EGFR: variants seen among roughly 807,000 people sequenced by gnomAD.
The protein encoded by EGFR is epidermal growth factor receptor.
Under a neutral mutation model 143.0 loss-of-function variants are expected in EGFR, and 58 were observed. The ratio of observed to expected loss-of-function variants is 0.41; its 90% CI spans 0.33 to 0.50. The LOEUF (loss-of-function observed/expected upper bound fraction) is 0.50. Among genes scored for constraint, EGFR ranks in the 20% least tolerant of loss-of-function variants. The pLI is 0.39. For synonymous variants in EGFR, 613 were observed against 594.4 expected (o/e 1.03, Z -0.45); for missense variants, 1,307 against 1,579.0 (o/e 0.83, Z 2.92).
Position 55,205,741 on chromosome 7 carries a change from C to A in EGFR, c.*124C>A. ...CTCTTAGACCCACAGACTGGTTTTG[C>A]AACGTTTACACCGACTAGCCAGGAA... On this transcript the variant is annotated 3_prime_UTR_variant, in exon 28 of 28. Coordinates refer to ENST00000275493, the MANE Select transcript of EGFR (RefSeq NM_005228.5). 6.7e-7 allele frequency: 1 copy of A among 1,483,920 alleles called. No homozygotes were observed. The highest frequency in any genetic ancestry group is 2.3e-5 in the East Asian group (1 of 43,992). 91.9% of individuals were successfully genotyped at this position (1,483,920 alleles called of 1,614,324 possible).
chr7:55,031,913 G>A (rs1161457372), intron 1 of EGFR, among the ~76,000 whole-genome samples: 1 of 152,134 alleles, frequency 6.6e-6, no homozygotes, highest in Non-Finnish European at 1.5e-5. Flanking sequence ...TCCCACACTT[G>A]TCTTCTTTCA....
rs368545090 is a variant in EGFR at position 55,174,717 on chromosome 7, C to T, written c.2185-5C>T. 14 of 1,611,610 alleles carry T rather than the reference C, an allele frequency of 8.7e-6. No individual in the cohort carries two copies. In the African/African-American group the frequency reaches 1.6e-4, roughly 18 times the overall value. On this transcript the variant is annotated splice_polypyrimidine_tract_variant and splice_region_variant and intron_variant, in intron 18 of 27. Transcript: ENST00000275493. Reference sequence around the variant, plus strand: ...GTTAACGTCTTCCTTCTCTCTCTGTCATAGGGACTCTGGATCCCAGAAGGT... The same window carrying T: ...GTTAACGTCTTCCTTCTCTCTCTGTTATAGGGACTCTGGATCCCAGAAGGT...
chr7:55,156,505 G>A (rs781461341), intron 8 of EGFR, 28 bp from the exon 9 acceptor site: 3 of 1,613,710 alleles, frequency 1.9e-6, no homozygotes, highest in East Asian at 4.5e-5. Flanking sequence ...AAATGTGAAC[G>A]GAATACACGT....
intron 1 of EGFR, among the ~76,000 whole-genome samples, chr7:55,031,990 G>A (rs1787277029): frequency 2.0e-5 from 3 of 152,208 alleles, no homozygotes; most frequent in Admixed American, 2.0e-4. Flanking sequence ...TGTGAGCACA[G>A]GCATGTTGAC....
intron 1 of EGFR, among the ~76,000 whole-genome samples, chr7:55,087,933 C>T (rs546330555): frequency 2.0e-5 from 3 of 152,178 alleles, no homozygotes; most frequent in Non-Finnish European, 4.4e-5. Flanking sequence ...TTCTTAATTC[C>T]TTCATCAAAG....
In EGFR at chr7:55,026,630, G is replaced by A. The variant is rs565810455; in HGVS notation, c.88+7265G>A. 1.1e-3 allele frequency among the ~76,000 whole-genome samples: 164 copies of A among 152,216 alleles called. 2 individuals carry two copies. Among genetic ancestry groups the A allele is most frequent in the African/African-American group, 3.5e-3 (145 of 41,542 alleles). On this transcript the variant is annotated intron_variant, in intron 1 of 27. Coordinates refer to ENST00000275493, the MANE Select transcript of EGFR (RefSeq NM_005228.5). ...CTCCAGCAGGGAAGATGCCAGTCTC[G>A]GGATAACCTCTCTCTGGCCGGAAAG...
intron 20 of EGFR, among the ~76,000 whole-genome samples, chr7:55,187,194 T>C (rs1787176440): frequency 6.6e-6 from 1 of 152,122 alleles, no homozygotes; most frequent in African/African-American, 2.4e-5. Context: ...GGCAAGATGG[T>C]GGCCAAATTC....
chr7:55,176,307 T>C (rs182742464), intron 19 of EGFR, among the ~76,000 whole-genome samples: 1 of 152,350 alleles, frequency 6.6e-6, no homozygotes, highest in East Asian at 1.9e-4. Context: ...AAGGAAGCAG[T>C]GTTCACTGAA....
At chr7:55,125,441 G>T (rs1044644663) in intron 1 of EGFR, among the ~76,000 whole-genome samples, 2 of 152,200 alleles carry the variant, frequency 1.3e-5, no homozygotes, top group Non-Finnish European at 2.9e-5. Context: ...TGTCACCAGG[G>T]CACTGCCAGA....
intron 1 of EGFR, among the ~76,000 whole-genome samples, chr7:55,079,589 T>C (rs1020722122): frequency 3.6e-5 from 3 of 84,200 alleles, no homozygotes; most frequent in Admixed American, 1.5e-4. Flanking sequence ...ATGGCGTTTT[T>C]TTGTTTGTTT....
intron 23 of EGFR, 31 bp downstream of exon 23, chr7:55,198,894 C>CT (rs1562803824): frequency 1.2e-6 from 2 of 1,613,334 alleles, no homozygotes; most frequent in Admixed American, 3.3e-5. Flanking sequence ...TCCACACTGC[C>CT]TAGCTGAGCC....
rs373915835 is a variant in EGFR at position 55,087,273 on chromosome 7, T to TAAAAAAAAAAAAAA, written c.89-55003_89-55002insAAAAAAAAAAAAAA. Among the ~76,000 whole-genome samples the TAAAAAAAAAAAAAA allele has an allele frequency of 3.5e-4, 36 of 102,102 alleles. 2 individuals are homozygous for TAAAAAAAAAAAAAA. In the South Asian group the frequency reaches 4.8e-3, roughly 14 times the overall value. The allele number at this position is 102,102 out of a possible 152,430, so 67.0% of individuals were successfully genotyped here. On this transcript the variant is annotated intron_variant, in intron 1 of 27. Transcript: ENST00000275493. ...TCACTTTAAGTAGTTTCTCAATTGT[T>TAAAAAAAAAAAAAA]AAAAAAAAAACAAAAAAAAAAAAAC...
intron 10 of EGFR, among the ~76,000 whole-genome samples, chr7:55,157,446 C>T (rs973614024): frequency 3.9e-5 from 6 of 152,232 alleles, no homozygotes; most frequent in Non-Finnish European, 8.8e-5. Context: ...CATGCGGAAT[C>T]GCAGCGGAAG....
rs142709065 is a variant in EGFR at position 55,159,543 on chromosome 7, C to T, written c.1299-596C>T. Among the ~76,000 whole-genome samples the T allele has an allele frequency of 1.2e-4, 19 of 152,312 alleles. No individual in the cohort carries two copies. In the East Asian group the frequency reaches 3.1e-3, roughly 25 times the overall value. On this transcript the variant is annotated intron_variant, in intron 11 of 27. Transcript: ENST00000275493. ...CTTTTTGGAGGAAGGCCCCACTTCCCAGGCATCCCTCCCAGACCTGGTCAG... is the reference window on the plus strand; with the variant it reads ...CTTTTTGGAGGAAGGCCCCACTTCCTAGGCATCCCTCCCAGACCTGGTCAG...
chr7:55,108,143 T>C (rs890354288), intron 1 of EGFR, among the ~76,000 whole-genome samples: 4 of 152,252 alleles, frequency 2.6e-5, no homozygotes, highest in Non-Finnish European at 5.9e-5. Context: ...CAGAAATCTC[T>C]GACCCTGAGT....
chr7:55,103,487 T>C (rs1340651098), intron 1 of EGFR, among the ~76,000 whole-genome samples: 5 of 152,246 alleles, frequency 3.3e-5, no homozygotes, highest in African/African-American at 1.2e-4. Context: ...CCACCATTTA[T>C]GAACCTGCAG....
intron 1 of EGFR, among the ~76,000 whole-genome samples, chr7:55,037,901 C>T (rs1787686709): frequency 6.6e-6 from 1 of 151,596 alleles, no homozygotes; most frequent in South Asian, 2.1e-4. Context: ...GGATATTTGG[C>T]TACATGCTGG....
At chr7:55,129,312 G>T (rs919958557) in intron 1 of EGFR, among the ~76,000 whole-genome samples, 2 of 152,236 alleles carry the variant, frequency 1.3e-5, no homozygotes, top group African/African-American at 4.8e-5. Flanking sequence ...AAGCACTGGG[G>T]TGAGAAACGT....
At chr7:55,190,298 G>T (rs1787332275) in intron 20 of EGFR, among the ~76,000 whole-genome samples, 1 of 152,128 alleles carries the variant, frequency 6.6e-6, no homozygotes, top group African/African-American at 2.4e-5. Context: ...TGAGGGGACA[G>T]TCCATGTAGT....
Sources: allele counts gnomAD v4.1 joint callset (sites outside exome capture counted in the v4.1 genomes callset), GRCh38; gene constraint gnomAD v4.1.1; transcripts MANE v1.5; gene names NCBI Gene and HGNC (gene_info 2026-07-23, HGNC 2026-07-21).